AGO3: variants seen among roughly 807,000 people sequenced by gnomAD.
AGO3 encodes the protein argonaute RISC catalytic component 3, also known as protein argonaute-3.
A neutral mutation model predicts 105.5 loss-of-function variants in AGO3; 16 were observed. That is an observed-to-expected ratio of 0.15 (90% CI 0.10 to 0.23). AGO3 has a LOEUF of 0.23. Among genes scored for constraint, AGO3 ranks in the 10% least tolerant of loss-of-function variants. AGO3 has a pLI of 1.00. For missense variants in AGO3, 534 were observed against 1,088.0 expected (o/e 0.49, Z 7.16); for synonymous variants, 340 against 367.3 (o/e 0.93, Z 0.85).
chr1:36,067,684 G>A lies in AGO3; in HGVS notation c.*11939G>A, dbSNP rs989351224. On this transcript the variant is annotated 3_prime_UTR_variant, in exon 19 of 19. Transcript: ENST00000373191. ...CCAGGCATTGCTATCAACATAACAT[G>A]TTTGGTTTTCCCCTTTAAATAGAAA... The A allele has an allele frequency of 6.6e-6, 1 of 151,798 alleles. No homozygotes were observed. The highest frequency in any genetic ancestry group is 2.4e-5 in the African/African-American group (1 of 41,304). The allele number at this position is 151,798 out of a possible 1,614,324, so 9.4% of individuals were successfully genotyped here. A position where few individuals can be genotyped will look rare whatever the true frequency, so the allele number is the denominator to read the frequency against.
chr1:35,956,010 C>A (rs1646558733), intron 2 of AGO3, among the ~76,000 whole-genome samples: 1 of 152,194 alleles, frequency 6.6e-6, no homozygotes, highest in African/African-American at 2.4e-5. Context: ...AATCCATACT[C>A]ATGAATATTA....
intron 2 of AGO3, among the ~76,000 whole-genome samples, chr1:35,965,488 T>C (rs1646755684): frequency 6.2e-5 from 1 of 16,038 alleles, no homozygotes; most frequent in African/African-American, 3.2e-4. Flanking sequence ...AGACGCTGTC[T>C]CAAAAAAAAA....
intron 5 of AGO3, among the ~76,000 whole-genome samples, chr1:35,987,795 C>T (rs1345605739): frequency 1.3e-5 from 2 of 150,936 alleles, no homozygotes; most frequent in Non-Finnish European, 3.0e-5. Context: ...ATGGGCCAGG[C>T]GTGGTAGCTC....
chr1:35,997,338 A>C (rs560345777), intron 5 of AGO3, among the ~76,000 whole-genome samples: 2 of 152,222 alleles, frequency 1.3e-5, no homozygotes, highest in Non-Finnish European at 2.9e-5. Context: ...AGTTAAACCC[A>C]GTCCTCAACT....
intron 10 of AGO3, 49 bp downstream of exon 10, chr1:36,013,801 A>C: frequency 6.2e-7 from 1 of 1,604,462 alleles, no homozygotes; most frequent in Non-Finnish European, 8.5e-7. Context: ...GTCTGTAAGT[A>C]TGAAGAGAAA....
At position 35,982,688 on chromosome 1, in the gene AGO3, G is replaced by A. The variant is rs1280613502; in HGVS notation, c.658+9177G>A. The A allele has an allele frequency of 8.4e-6, 6 of 716,666 alleles. No individual in the cohort carries two copies. The Admixed American group carries it at 1.2e-4, about 14-fold the overall frequency. 44.4% of individuals were successfully genotyped at this position (716,666 alleles called of 1,614,324 possible). On this transcript the variant is annotated intron_variant, in intron 5 of 18. Transcript: ENST00000373191. ...AAAAACTAATCTGAGAAGCCAGTTA[G>A]GAGGCTTTTCAATCACTAGTTCAGG...
At chr1:35,995,771 G>A (rs1382114049) in intron 5 of AGO3, among the ~76,000 whole-genome samples, 6 of 152,014 alleles carry the variant, frequency 3.9e-5, no homozygotes, top group Non-Finnish European at 5.9e-5. Context: ...TCTGCCTCCC[G>A]AGTCCAAGTG....
At chr1:36,053,719 C>T (rs1438094675) in intron 17 of AGO3, among the ~76,000 whole-genome samples, 2 of 149,644 alleles carry the variant, frequency 1.3e-5, no homozygotes, top group Non-Finnish European at 3.0e-5. Context: ...GCTGGGACTA[C>T]AGGTCCACAC....
intron 17 of AGO3, among the ~76,000 whole-genome samples, chr1:36,049,284 C>A (rs1038424754): frequency 3.3e-5 from 5 of 152,104 alleles, no homozygotes; most frequent in Admixed American, 3.3e-4. Context: ...CTTTGGGAGG[C>A]CAAGGCCGGT....
intron 2 of AGO3, among the ~76,000 whole-genome samples, chr1:35,956,766 C>T (rs536936630): frequency 1.3e-5 from 2 of 151,934 alleles, no homozygotes; most frequent in Non-Finnish European, 2.9e-5. Flanking sequence ...CTGTCTCAGC[C>T]TCCTGAGTAG....
intron 2 of AGO3, among the ~76,000 whole-genome samples, chr1:35,963,184 AG>A (rs1439446558): frequency 6.6e-6 from 1 of 152,212 alleles, no homozygotes; most frequent in Non-Finnish European, 1.5e-5. Flanking sequence ...GGGACATGTA[AG>A]GAGATAATTC....
chr1:35,950,626 T>C (rs1198345838), intron 2 of AGO3, among the ~76,000 whole-genome samples: 2 of 152,188 alleles, frequency 1.3e-5, no homozygotes, highest in African/African-American at 4.8e-5. Flanking sequence ...ATGTTAGCTT[T>C]TGTTAAAAGA....
chr1:36,017,968 G>A (rs891231387), intron 11 of AGO3, among the ~76,000 whole-genome samples: 6 of 151,398 alleles, frequency 4.0e-5, no homozygotes, highest in African/African-American at 1.2e-4. Flanking sequence ...AAGAGTGAAG[G>A]CCTCCTGGCA....
At chr1:35,970,296 A>G (rs1049522587) in intron 3 of AGO3, among the ~76,000 whole-genome samples, 2 of 152,198 alleles carry the variant, frequency 1.3e-5, no homozygotes, top group Non-Finnish European at 2.9e-5. Flanking sequence ...TGGTAAATCT[A>G]ACACATATAT....
chr1:36,011,986 A>G (rs1442702341), intron 9 of AGO3, among the ~76,000 whole-genome samples: 3 of 152,218 alleles, frequency 2.0e-5, no homozygotes, highest in Non-Finnish European at 4.4e-5. Flanking sequence ...TAACCTTATT[A>G]CAGGATACAC....
At chr1:35,949,911 T>C (rs1032668858) in intron 2 of AGO3, among the ~76,000 whole-genome samples, 17 of 151,748 alleles carry the variant, frequency 1.1e-4, no homozygotes, top group Non-Finnish European at 1.8e-4. Context: ...ATGGCCAGCC[T>C]TATTTCGTTT....
intron 9 of AGO3, among the ~76,000 whole-genome samples, chr1:36,012,833 C>G (rs11808557): frequency 0.04 from 6,109 of 151,848 alleles, 423 homozygotes; most frequent in African/African-American, 0.14. Context: ...ATCTAGGAGG[C>G]TGAGAGAGGA....
chr1:36,006,800 A>G (rs1436274743), intron 6 of AGO3, among the ~76,000 whole-genome samples: 2 of 152,198 alleles, frequency 1.3e-5, no homozygotes, highest in Admixed American at 1.3e-4. Flanking sequence ...ACCCATACCA[A>G]TCTGGTACAG....
chr1:35,933,626 G>A lies in AGO3; in HGVS notation c.19+2181G>A, dbSNP rs189570426. 2.0e-3 allele frequency among the ~76,000 whole-genome samples: 218 copies of A among 109,640 alleles called. 3 individuals carry two copies. The highest frequency in any genetic ancestry group is 6.6e-3 in the African/African-American group (188 of 28,392). The allele number at this position is 109,640 out of a possible 152,430, so 71.9% of individuals were successfully genotyped here. A position where few individuals can be genotyped will look rare whatever the true frequency, so the allele number is the denominator to read the frequency against. On this transcript the variant is annotated intron_variant, in intron 1 of 18. Coordinates refer to ENST00000373191, the MANE Select transcript of AGO3 (RefSeq NM_024852.4). ...CACTAACTCCAGCCTGGGTGACGGA[G>A]CAAGACCCTGTCTCAAAAAAAAAAA...
Sources: gnomAD v4.1 joint callset for allele counts (sites outside exome capture counted in the v4.1 genomes callset) on GRCh38, gnomAD v4.1.1 for gene constraint, MANE v1.5 for transcripts, NCBI Gene and HGNC (gene_info 2026-07-23, HGNC 2026-07-21) for gene names.